TANC2: variants seen among roughly 807,000 people sequenced by gnomAD.
TANC2 encodes the protein protein TANC2.
Under a neutral mutation model 210.5 loss-of-function variants are expected in TANC2, and 26 were observed. The ratio of observed to expected loss-of-function variants is 0.12; its 90% CI spans 0.09 to 0.17. The LOEUF is 0.17. Among genes scored for constraint, TANC2 ranks in the 10% least tolerant of loss-of-function variants. The probability of loss-of-function intolerance (pLI) is 1.00; values close to 1 mark genes in which losing one functional copy is unlikely to be tolerated. For synonymous variants in TANC2, 931 were observed against 967.1 expected, an observed-to-expected ratio of 0.96 and a Z score of 0.69; for missense variants, 2,129 against 2,608.9, an observed-to-expected ratio of 0.82 and a Z score of 4.01.
rs746222926 is a variant in TANC2, at chr17:63,398,807, A to G, written c.3238-14A>G. Reference sequence around the variant, plus strand: ...TCCACCTGAAGTTTGAGCTGACACAACTTCTTGTTTCAGATTGTCTCCTAC... The same window carrying G: ...TCCACCTGAAGTTTGAGCTGACACAGCTTCTTGTTTCAGATTGTCTCCTAC... On this transcript the variant is annotated splice_polypyrimidine_tract_variant and intron_variant, in intron 18 of 27. Coordinates refer to ENST00000689528, the Ensembl canonical transcript of TANC2. The G allele has an allele frequency of 1.9e-6, 3 of 1,562,326 alleles. No homozygotes were observed. The highest frequency in any genetic ancestry group is 2.6e-6 in the Non-Finnish European group (3 of 1,151,584).
chr17:63,112,467 A>C (rs993215141), intron 4 of TANC2, among the ~76,000 whole-genome samples: 1 of 152,200 alleles, frequency 6.6e-6, no homozygotes, highest in African/African-American at 2.4e-5. Context: ...GTTTTTCAAC[A>C]GATCTTTATG....
intron 8 of TANC2, among the ~76,000 whole-genome samples, chr17:63,255,903 C>CTTTTTTTTTTTTTTTTTTTTTTT (rs1170508286): frequency 1.2e-5 from 1 of 84,230 alleles, no homozygotes. Context: ...TTTGACTTTT[C>CTTTTTTTTTTTTTTTTTTTTTTT]TTTTTTTTTT....
At chr17:63,103,124 A>C (rs542005306) in intron 4 of TANC2, among the ~76,000 whole-genome samples, 1 of 148,816 alleles carries the variant, frequency 6.7e-6, no homozygotes, top group Non-Finnish European at 1.5e-5. Flanking sequence ...CCTGATCTTT[A>C]AATAGTCATT....
At chr17:63,191,533 G>C (rs2041184642) in intron 5 of TANC2, among the ~76,000 whole-genome samples, 1 of 151,960 alleles carries the variant, frequency 6.6e-6, no homozygotes, top group African/African-American at 2.4e-5. Flanking sequence ...CATGATCATG[G>C]CTAACTGCTA....
intron 14 of TANC2, among the ~76,000 whole-genome samples, chr17:63,360,705 T>C (rs888122355): frequency 6.6e-6 from 1 of 152,242 alleles, no homozygotes; most frequent in African/African-American, 2.4e-5. Flanking sequence ...AGTCACCTTG[T>C]TGTGCCAGCA....
intron 9 of TANC2, among the ~76,000 whole-genome samples, chr17:63,298,042 A>C (rs935719673): frequency 2.6e-5 from 4 of 151,992 alleles, no homozygotes; most frequent in Non-Finnish European, 5.9e-5. Context: ...TAATAAAAAC[A>C]AAAAAAACTA....
intron 18 of TANC2, among the ~76,000 whole-genome samples, chr17:63,398,056 A>G (rs892099837): frequency 2.0e-5 from 3 of 152,196 alleles, no homozygotes; most frequent in Non-Finnish European, 2.9e-5. Context: ...CAGAACTGTC[A>G]CTTTTCATTG....
Position 63,221,294 on chromosome 17 carries a change from C to CGTG in TANC2, c.770-16504_770-16502dup, listed in dbSNP as rs568996063. On this transcript the variant is annotated intron_variant, in intron 7 of 27. Transcript: ENST00000689528. ...AAAAAAAATAAAAAAATTAGCCAGG[C>CGTG]GTGGTGGTGGTGGTGGTGTGTGCCT... 2.6e-5 allele frequency among the ~76,000 whole-genome samples: 4 copies of CGTG among 150,976 alleles called. No individual in the cohort carries two copies. In the East Asian group the frequency reaches 5.8e-4, roughly 22 times the overall value.
chr17:63,204,181 T>C (rs2041624502), intron 7 of TANC2, among the ~76,000 whole-genome samples: 1 of 152,020 alleles, frequency 6.6e-6, no homozygotes. Flanking sequence ...CAAGTTGTAT[T>C]TGTATATCCT....
intron 25 of TANC2, among the ~76,000 whole-genome samples, chr17:63,414,849 T>TG (rs1386569184): frequency 6.6e-6 from 1 of 152,230 alleles, no homozygotes. Flanking sequence ...TCAAGGTCGC[T>TG]GTGGCCAGAT....
At chr17:63,013,403 A>T (rs1381016581) in intron 2 of TANC2, among the ~76,000 whole-genome samples, 1 of 151,894 alleles carries the variant, frequency 6.6e-6, no homozygotes, top group Non-Finnish European at 1.5e-5. Context: ...TTTCTCTTTT[A>T]AGGTTTCTAG....
At chr17:63,005,896 TTGTG>T (rs56763847) in intron 1 of TANC2, among the ~76,000 whole-genome samples, 27,800 of 132,524 alleles carry the variant, frequency 0.21, 2,725 homozygotes, top group South Asian at 0.31. Context: ...GCTGTATAGT[TTGTG>T]TGTGTGTGTG....
intron 8 of TANC2, among the ~76,000 whole-genome samples, chr17:63,265,614 G>GT (rs1357920390): frequency 6.6e-5 from 10 of 152,122 alleles, no homozygotes; most frequent in Admixed American, 5.9e-4. Flanking sequence ...TGTAGTAGTA[G>GT]TTTTAGTAAA....
intron 5 of TANC2, chr17:63,154,620 A>AAT (rs1555587894): frequency 2.0e-5 from 3 of 152,156 alleles, no homozygotes; most frequent in Non-Finnish European, 2.9e-5. Context: ...AAATCAGTTT[A>AAT]ATATATATAA....
intron 1 of TANC2, among the ~76,000 whole-genome samples, chr17:63,005,487 A>G (rs1305875545): frequency 6.6e-6 from 1 of 152,138 alleles, no homozygotes; most frequent in Non-Finnish European, 1.5e-5. Flanking sequence ...ATAACAAAAA[A>G]AAAAGCCTGC....
Position 63,412,227 on chromosome 17 carries a change from T to C in TANC2, c.3898+97T>C. 6.6e-7 allele frequency: 1 copy of C among 1,514,252 alleles called. No individual in the cohort carries two copies. 93.8% of individuals were successfully genotyped at this position (1,514,252 alleles called of 1,614,324 possible). On this transcript the variant is annotated intron_variant, in intron 23 of 27. Transcript: ENST00000689528. This position sits in a 1 kb window ranked among gnomAD's most constrained non-coding sequence, Gnocchi z 4.2. ...GGGTATTTGGTGTGAGTGTATATAG[T>C]TCCCCCTCCTCCCTGGCCCAATTAT...
At position 63,290,983 on chromosome 17, in the gene TANC2, C is replaced by G. The variant is rs150399495; in HGVS notation, c.1159+23110C>G. 1.8e-3 allele frequency among the ~76,000 whole-genome samples: 278 copies of G among 152,152 alleles called. 2 individuals are homozygous for G. Among genetic ancestry groups the G allele is most frequent in the African/African-American group, 6.4e-3 (264 of 41,516 alleles). ...AATGGATGGATGTGGATCCAGCCTT[C>G]TCAATAACTTTTCTAAATGAAAGTG... is the stretch of plus-strand genomic sequence containing the variant. On this transcript the variant is annotated intron_variant, in intron 9 of 27. Transcript: ENST00000689528.
At chr17:63,057,278 CTTAAA>C (rs1043137982) in intron 2 of TANC2, among the ~76,000 whole-genome samples, 2 of 152,136 alleles carry the variant, frequency 1.3e-5, no homozygotes, top group African/African-American at 2.4e-5. Flanking sequence ...AAGAAGTATA[CTTAAA>C]TTAAATGATC....
At chr17:63,408,239 G>A (rs1381656007) in intron 21 of TANC2, among the ~76,000 whole-genome samples, 3 of 152,196 alleles carry the variant, frequency 2.0e-5, no homozygotes, top group East Asian at 1.9e-4. Context: ...TATGAAGCCT[G>A]ATTAGATGTA....
Sources: gnomAD v4.1 joint callset for allele counts (sites outside exome capture counted in the v4.1 genomes callset) on GRCh38, gnomAD v4.1.1 for gene constraint, Gnocchi (gnomAD v3.1) non-coding constraint, MANE v1.5 for transcripts, NCBI Gene and HGNC (gene_info 2026-07-23, HGNC 2026-07-21) for gene names.